DOK6: variants seen among roughly 807,000 people sequenced by gnomAD.
DOK6 encodes docking protein 6.
A neutral mutation model predicts 44.0 loss-of-function variants in DOK6; 22 were observed. The observed-to-expected ratio is 0.50, with a 90% CI of 0.36 to 0.71. The LOEUF (loss-of-function observed/expected upper bound fraction) is 0.71, where lower values mean the gene tolerates loss of function less well. Among genes scored for constraint, DOK6 ranks in the 30% least tolerant of loss-of-function variants. The pLI is 0.00. For synonymous variants in DOK6, 166 were observed against 145.5 expected (o/e 1.14, Z -1.01); for missense variants, 340 against 416.4 (o/e 0.82, Z 1.60).
At chr18:69,549,949 A>G (rs1202654455) in intron 1 of DOK6, among the ~76,000 whole-genome samples, 2 of 150,916 alleles carry the variant, frequency 1.3e-5, no homozygotes, top group Non-Finnish European at 3.0e-5. Context: ...ATATTAAATA[A>G]GAGTACAACA....
intron 6 of DOK6, among the ~76,000 whole-genome samples, chr18:69,753,253 C>T (rs1473095627): frequency 6.6e-6 from 1 of 151,998 alleles, no homozygotes; most frequent in African/African-American, 2.4e-5. Flanking sequence ...CACAAGGAAC[C>T]CACCCTTGTT....
At chr18:69,593,339 G>A (rs768602017) in intron 2 of DOK6, among the ~76,000 whole-genome samples, 2 of 151,146 alleles carry the variant, frequency 1.3e-5, no homozygotes, top group Admixed American at 6.6e-5. Context: ...ACCACTTCAC[G>A]CCAGCCTGGG....
chr18:69,538,910 A>T (rs907228680), intron 1 of DOK6, among the ~76,000 whole-genome samples: 3 of 152,192 alleles, frequency 2.0e-5, no homozygotes, highest in Admixed American at 6.5e-5. Context: ...TGGTTTATCT[A>T]AGTCTCAGTT....
At position 69,605,841 on chromosome 18, in the gene DOK6, C is replaced by A. The variant is rs1599217571; in HGVS notation, c.289+6343C>A. 2.0e-5 allele frequency among the ~76,000 whole-genome samples: 3 copies of A among 152,294 alleles called. No individual in the cohort carries two copies. In the South Asian group the frequency reaches 6.2e-4, roughly 32 times the overall value. On this transcript the variant is annotated intron_variant, in intron 3 of 7. Coordinates refer to ENST00000382713, the MANE Select transcript of DOK6 (RefSeq NM_152721.6). ...ACTGGGAAGACGGAAAGCTTTCCTG[C>A]TCTCCTCTGTGCTGTGCAAGACAGT...
chr18:69,768,346 A>G (rs1979782806), intron 7 of DOK6, among the ~76,000 whole-genome samples: 1 of 152,012 alleles, frequency 6.6e-6, no homozygotes, highest in African/African-American at 2.4e-5. Flanking sequence ...ATACACAGAG[A>G]AAGAGAGGAG....
chr18:69,621,197 T>A (rs942599766), intron 3 of DOK6, among the ~76,000 whole-genome samples: 2 of 152,164 alleles, frequency 1.3e-5, no homozygotes, highest in African/African-American at 4.8e-5. Context: ...TAGGTTTAAA[T>A]CCTGGCTCTC....
At chr18:69,800,350 G>A (rs1027368323) in intron 7 of DOK6, among the ~76,000 whole-genome samples, 2 of 152,030 alleles carry the variant, frequency 1.3e-5, no homozygotes, top group Admixed American at 6.6e-5. Context: ...AAATCATCCT[G>A]CGCTTATTTT....
intron 3 of DOK6, among the ~76,000 whole-genome samples, chr18:69,600,337 T>C (rs527490318): frequency 5.5e-4 from 84 of 152,302 alleles, no homozygotes; most frequent in African/African-American, 1.9e-3. Flanking sequence ...CTGAAATTGC[T>C]CACACCTCTC....
chr18:69,786,461 A>G (rs565478665), intron 7 of DOK6, among the ~76,000 whole-genome samples: 2 of 152,298 alleles, frequency 1.3e-5, no homozygotes, highest in East Asian at 1.9e-4. Flanking sequence ...TGGAAAAAAG[A>G]GATTGATGTA....
At chr18:69,681,297 A>G (rs990303640) in intron 4 of DOK6, among the ~76,000 whole-genome samples, 2 of 152,218 alleles carry the variant, frequency 1.3e-5, no homozygotes, top group African/African-American at 2.4e-5. Context: ...TTGACATTCA[A>G]AAATGCTACT....
intron 4 of DOK6, 143 bp downstream of exon 4, chr18:69,677,996 C>A: frequency 7.5e-7 from 1 of 1,329,298 alleles, no homozygotes; most frequent in Non-Finnish European, 9.9e-7. Context: ...AACCTGTAAT[C>A]CCTGCATTTT....
chr18:69,698,564 C>G lies in DOK6; in HGVS notation c.570C>G (p.Asp190Glu). Reference protein sequence around the residue: ...PLSSLRRYGRDSTWFTFESGR... With the variant: ...PLSSLRRYGRESTWFTFESGR... Reference sequence around the variant, plus strand: ...GCTCACTGAGGAGATACGGTCGGGACTCAACGTGGTTCACGTTTGAGTCAG... The same window carrying G: ...GCTCACTGAGGAGATACGGTCGGGAGTCAACGTGGTTCACGTTTGAGTCAG... The change falls in exon 5 of 8, where the codon GAC becomes GAG. Residue 190 changes from aspartate to glutamate, a missense_variant. This residue lies in a region of DOK6 where 206 missense variants were observed against 258.6 expected (regional missense o/e 0.80). Coordinates refer to ENST00000382713, the MANE Select transcript of DOK6 (RefSeq NM_152721.6). 6.2e-7 allele frequency: 1 copy of G among 1,613,884 alleles called. No individual in the cohort carries two copies. Among genetic ancestry groups the G allele is most frequent in the Non-Finnish European group, 8.5e-7 (1 of 1,179,912 alleles).
At chr18:69,825,768 A>C (rs1256370988) in intron 7 of DOK6, among the ~76,000 whole-genome samples, 1 of 152,134 alleles carries the variant, frequency 6.6e-6, no homozygotes, top group African/African-American at 2.4e-5. Context: ...TATGAAACGA[A>C]AGTAAAACGT....
chr18:69,616,626 C>T (rs1482189172), intron 3 of DOK6, among the ~76,000 whole-genome samples: 2 of 152,136 alleles, frequency 1.3e-5, no homozygotes, highest in Non-Finnish European at 2.9e-5. Flanking sequence ...CATACAGTAT[C>T]AGCTGGAAAA....
At chr18:69,456,323 C>T (rs916219059) in intron 1 of DOK6, among the ~76,000 whole-genome samples, 4 of 152,048 alleles carry the variant, frequency 2.6e-5, no homozygotes, top group Non-Finnish European at 5.9e-5. Context: ...CCTTTCCCCT[C>T]TAGTGTCTGT....
At chr18:69,835,464 C>CAAAA (rs1376861520) in intron 7 of DOK6, among the ~76,000 whole-genome samples, 124 of 136,374 alleles carry the variant, frequency 9.1e-4, no homozygotes, top group East Asian at 5.6e-3. Flanking sequence ...GACTCCGTCT[C>CAAAA]AAAAAAACAA....
Position 69,717,092 on chromosome 18 carries a change from C to T in DOK6, c.599+18499C>T, listed in dbSNP as rs184473803. 8.5e-5 allele frequency among the ~76,000 whole-genome samples: 13 copies of T among 152,196 alleles called. 1 individual carries two copies. In the East Asian group the frequency reaches 9.7e-4, roughly 11 times the overall value. On this transcript the variant is annotated intron_variant, in intron 5 of 7. Transcript: ENST00000382713. ...TTGAGAATTTTAAACATATTTTAGT[C>T]GATTGCTTTATATAAACTTGTGAAT...
At position 69,445,672 on chromosome 18, in the gene DOK6, C is replaced by A. The variant is rs553898900; in HGVS notation, c.66+44362C>A. 3.3e-5 allele frequency among the ~76,000 whole-genome samples: 5 copies of A among 152,132 alleles called. No homozygotes were observed. The East Asian group carries it at 7.7e-4, about 23-fold the overall frequency. ...CTCACTTGGTTATTGTGTATATATT[C>A]TTTTAAATATGTTGCTAGATTCAGC... On this transcript the variant is annotated intron_variant, in intron 1 of 7. Transcript: ENST00000382713.
chr18:69,417,987 AT>A, intron 1 of DOK6, among the ~76,000 whole-genome samples: 1 of 152,120 alleles, frequency 6.6e-6, no homozygotes, highest in South Asian at 2.1e-4. Context: ...TTCACATATA[AT>A]TTTTCCTATC....
Sources: gnomAD v4.1 joint callset for allele counts (sites outside exome capture counted in the v4.1 genomes callset) on GRCh38, gnomAD v4.1.1 for gene constraint, gnomAD v4.1.1 regional missense constraint, MANE v1.5 for transcripts, NCBI Gene and HGNC (gene_info 2026-07-23, HGNC 2026-07-21) for gene names.